MTA3: variants seen among roughly 807,000 people sequenced by gnomAD.
MTA3 encodes the protein metastasis associated 1 family member 3, also known as metastasis-associated protein MTA3.
In MTA3, 34 loss-of-function variants were observed where a neutral mutation model predicts 83.5. The ratio of observed to expected loss-of-function variants is 0.41; its 90% CI spans 0.31 to 0.54. MTA3 has a LOEUF of 0.54. Ranked by LOEUF, MTA3 falls within the 20% of genes least tolerant of loss-of-function variation. The pLI is 0.33. For missense variants in MTA3, 761 were observed against 726.4 expected (o/e 1.05, Z -0.55); for synonymous variants, 303 against 252.7 (o/e 1.20, Z -1.89).
chr2:42,611,490 C>T (rs901813023), intron 4 of MTA3, among the ~76,000 whole-genome samples: 1 of 152,022 alleles, frequency 6.6e-6, no homozygotes, highest in Admixed American at 6.6e-5. Context: ...AATGTGAGCC[C>T]TCACCCCCAT....
chr2:42,729,086 G>GTTTTTT (rs1216600680), intron 16 of MTA3, among the ~76,000 whole-genome samples: 930 of 59,888 alleles, frequency 0.016, 177 homozygotes, highest in South Asian at 0.028. Flanking sequence ...CACAGTTTGA[G>GTTTTTT]TTTTTTTTTT....
intron 5 of MTA3, among the ~76,000 whole-genome samples, chr2:42,643,698 TG>T (rs991578740): frequency 6.6e-5 from 10 of 152,234 alleles, no homozygotes; most frequent in Admixed American, 5.9e-4. Context: ...GACTAAAAGC[TG>T]GGATGGACAT....
At chr2:42,500,178 C>T (rs1674332636) in intron 2 of MTA3, among the ~76,000 whole-genome samples, 1 of 152,078 alleles carries the variant, frequency 6.6e-6, no homozygotes, top group Admixed American at 6.6e-5. Flanking sequence ...GCAGGTAGAT[C>T]ACCTGAGGTC....
At chr2:42,677,460 A>G (rs1449002321) in intron 8 of MTA3, among the ~76,000 whole-genome samples, 1 of 152,130 alleles carries the variant, frequency 6.6e-6, no homozygotes, top group Non-Finnish European at 1.5e-5. Flanking sequence ...CTCCTGCCTC[A>G]GCCTACTGAG....
At position 42,675,470 on chromosome 2, in the gene MTA3, C is replaced by T. The variant is rs140988410; in HGVS notation, c.703-6931C>T. Among the ~76,000 whole-genome samples, 837 of 152,266 alleles carry T rather than the reference C, an allele frequency of 5.5e-3. 5 individuals are homozygous for T. The highest frequency in any genetic ancestry group is 7.7e-3 in the Non-Finnish European group (527 of 68,022). ...TTTTCTTATTTTAAATTGAGGTATACATATGGTAACATATATAGAGTGCCC... is the reference window on the plus strand; with the variant it reads ...TTTTCTTATTTTAAATTGAGGTATATATATGGTAACATATATAGAGTGCCC... On this transcript the variant is annotated intron_variant, in intron 8 of 16. Transcript: ENST00000405094.
At chr2:42,674,244 C>G (rs377392260) in intron 8 of MTA3, among the ~76,000 whole-genome samples, 100 of 152,360 alleles carry the variant, frequency 6.6e-4, no homozygotes, top group African/African-American at 2.3e-3. Context: ...TGGAAGAATA[C>G]TCTCCTGTGG....
chr2:42,727,580 G>A (rs1455700185), intron 16 of MTA3, among the ~76,000 whole-genome samples: 3 of 152,184 alleles, frequency 2.0e-5, no homozygotes, highest in Non-Finnish European at 4.4e-5. Flanking sequence ...GGCAGCAGGG[G>A]GAGATGGAAC....
chr2:42,726,320 C>G (rs1573773569), intron 16 of MTA3, among the ~76,000 whole-genome samples: 1 of 152,060 alleles, frequency 6.6e-6, no homozygotes, highest in Non-Finnish European at 1.5e-5. Context: ...TCCACTCACC[C>G]TCTACCTTTG....
At chr2:42,616,923 A>G (rs1259560981) in intron 4 of MTA3, among the ~76,000 whole-genome samples, 1 of 151,992 alleles carries the variant, frequency 6.6e-6, no homozygotes, top group African/African-American at 2.4e-5. Flanking sequence ...TTTAAATGTA[A>G]TTTTAGATTT....
At chr2:42,525,114 C>T (rs909248586) in intron 2 of MTA3, among the ~76,000 whole-genome samples, 1 of 149,648 alleles carries the variant, frequency 6.7e-6, no homozygotes, top group Non-Finnish European at 1.5e-5. Flanking sequence ...CCCCCTCCCC[C>T]ACCTGTGGGT....
intron 2 of MTA3, among the ~76,000 whole-genome samples, chr2:42,510,817 C>T (rs561412655): frequency 6.6e-6 from 1 of 152,146 alleles, no homozygotes; most frequent in Non-Finnish European, 1.5e-5. Flanking sequence ...GGGATGCCCC[C>T]ACTCTGACCC....
At chr2:42,553,870 C>CAA (rs34637052) in intron 2 of MTA3, among the ~76,000 whole-genome samples, 11 of 90,236 alleles carry the variant, frequency 1.2e-4, no homozygotes, top group East Asian at 3.3e-4. Context: ...GACTCCATCT[C>CAA]AAAAAAAAAA....
intron 8 of MTA3, among the ~76,000 whole-genome samples, chr2:42,669,059 T>C (rs1337995344): frequency 6.6e-6 from 1 of 151,934 alleles, no homozygotes; most frequent in Non-Finnish European, 1.5e-5. Context: ...GAGGATAGTT[T>C]AGAAGGCACA....
intron 2 of MTA3, among the ~76,000 whole-genome samples, chr2:42,534,816 G>T (rs567703010): frequency 6.6e-6 from 1 of 151,914 alleles, no homozygotes; most frequent in Admixed American, 6.6e-5. Flanking sequence ...TAGAAATGGG[G>T]TCTCACTGTG....
chr2:42,669,755 T>C (rs1338607479), intron 8 of MTA3, among the ~76,000 whole-genome samples: 1 of 152,332 alleles, frequency 6.6e-6, no homozygotes, highest in East Asian at 1.9e-4. Context: ...TCCTTTTAAA[T>C]TTAAGCTTTA....
rs1430948214 is a variant in MTA3, at chr2:42,549,445, ATATAATATAT to A, written c.-140-20987_-140-20978del. ...TATAATATATAATATATACGTATAC[ATATAATATAT>A]TATATATACATATTATATATTATAT... On this transcript the variant is annotated intron_variant, in intron 2 of 17. Coordinates refer to the MTA3 transcript ENST00000405592. 9.4e-5 allele frequency among the ~76,000 whole-genome samples: 4 copies of A among 42,644 alleles called. No homozygotes were observed. In the South Asian group the frequency reaches 5.1e-3, roughly 55 times the overall value. 28.0% of individuals were successfully genotyped at this position (42,644 alleles called of 152,430 possible). A position where few individuals can be genotyped will look rare whatever the true frequency, so the allele number is the denominator to read the frequency against.
At chr2:42,745,481 A>T (rs1669338010) in intron 16 of MTA3, among the ~76,000 whole-genome samples, 1 of 152,234 alleles carries the variant, frequency 6.6e-6, no homozygotes, top group African/African-American at 2.4e-5. Flanking sequence ...TCTATAGCTT[A>T]TCATCTCTGT....
upstream of MTA3, among the ~76,000 whole-genome samples, chr2:42,564,601 A>T (rs1677824674): frequency 6.6e-6 from 1 of 152,202 alleles, no homozygotes; most frequent in Non-Finnish European, 1.5e-5. Flanking sequence ...TAAGAGAAGA[A>T]GTTAATGAAA....
At chr2:42,570,580 C>A in intron 2 of MTA3, 76 bp downstream of exon 2, 2 of 866,622 alleles carry the variant, frequency 2.3e-6, no homozygotes, top group Non-Finnish European at 3.4e-6. Flanking sequence ...TAAAGGGTGG[C>A]CTGGTGTGGG....
Sources: gnomAD v4.1 joint callset for allele counts (sites outside exome capture counted in the v4.1 genomes callset) on GRCh38, gnomAD v4.1.1 for gene constraint, MANE v1.5 for transcripts, NCBI Gene and HGNC (gene_info 2026-07-23, HGNC 2026-07-21) for gene names.